SLC35D1: variants seen among roughly 807,000 people sequenced by gnomAD.
SLC35D1 encodes nucleotide sugar transporter SLC35D1.
In SLC35D1, 31 loss-of-function variants were observed where a neutral mutation model predicts 46.7. That is an observed-to-expected ratio of 0.66 (90% confidence interval 0.50 to 0.90). The LOEUF is 0.90. Ranked by LOEUF, SLC35D1 falls within the 40% of genes least tolerant of loss-of-function variation. The pLI is 0.00. For missense variants in SLC35D1, 397 were observed against 426.2 expected, an observed-to-expected ratio of 0.93 and a Z score of 0.60; for synonymous variants, 195 against 164.6, an observed-to-expected ratio of 1.18 and a Z score of -1.41.
intron 10 of SLC35D1, among the ~76,000 whole-genome samples, chr1:67,015,140 C>T (rs1194802630): frequency 2.2e-5 from 1 of 44,456 alleles, no homozygotes; most frequent in South Asian, 6.2e-4. Context: ...GGTTATAAAA[C>T]ACATAAAAAT....
At chr1:66,985,329 T>G in the SLC35D1 span, 1 of 985,528 alleles carries the variant, frequency 1.0e-6, no homozygotes, top group Non-Finnish European at 1.2e-6. Context: ...TAATACCAAT[T>G]TCTCTGAGTT....
Position 66,999,610 on chromosome 1 carries a change from C to T in SLC35D1, c.*4730G>A, listed in dbSNP as rs764189777. On this transcript the variant is annotated 3_prime_UTR_variant, in exon 12 of 12. Transcript: ENST00000235345. ...AGAAAACATTTGTGAAAAAAATAAT[C>T]TCTAAAAACATTTTTGTGAGACAAT... is the stretch of plus-strand genomic sequence containing the variant. The T allele has an allele frequency of 1.3e-5, 2 of 151,996 alleles. No homozygotes were observed. The highest frequency in any genetic ancestry group is 4.8e-5 in the African/African-American group (2 of 41,326). The allele number at this position is 151,996 out of a possible 1,614,324, so 9.4% of individuals were successfully genotyped here.
At chr1:67,013,312 A>G (rs1667614091) in intron 10 of SLC35D1, among the ~76,000 whole-genome samples, 1 of 151,494 alleles carries the variant, frequency 6.6e-6, no homozygotes, top group Non-Finnish European at 1.5e-5. Flanking sequence ...TTTGGGAAGC[A>G]GAGGTGAGCA....
At chr1:66,994,721 A>G (rs923545252), downstream of SLC35D1, among the ~76,000 whole-genome samples, 1 of 152,134 alleles carries the variant, frequency 6.6e-6, no homozygotes, top group Non-Finnish European at 1.5e-5. Flanking sequence ...GGATTATTAA[A>G]TTTTTAAATC....
chr1:66,976,659 A>T, the SLC35D1 span: 1 of 1,608,330 alleles, frequency 6.2e-7, no homozygotes, highest in South Asian at 1.1e-5. Context: ...TCTGAACGTT[A>T]TGATTTCTTT....
rs1182060356 is a variant in SLC35D1, at chr1:67,004,265, GTC to G, written c.*73_*74del. 2 of 1,210,216 alleles carry G rather than the reference GTC, an allele frequency of 1.7e-6. No homozygotes were observed. The highest frequency in any genetic ancestry group is 2.5e-6 in the Non-Finnish European group (2 of 814,444). The allele number at this position is 1,210,216 out of a possible 1,614,324, so 75.0% of individuals were successfully genotyped here. On this transcript the variant is annotated 3_prime_UTR_variant, in exon 12 of 12. Coordinates refer to ENST00000235345, the MANE Select transcript of SLC35D1 (RefSeq NM_015139.3). Reference sequence around the variant, plus strand: ...TCCTCCATAATCAAGACACCTCAGTGTCTCTGTAGGAACTGCCAGTGTTCTGA... The same window carrying G: ...TCCTCCATAATCAAGACACCTCAGTGTCTGTAGGAACTGCCAGTGTTCTGA...
Position 67,052,753 on chromosome 1 carries a change from T to C in SLC35D1, c.324+18A>G, listed in dbSNP as rs1231493785. 5.0e-6 allele frequency: 8 copies of C among 1,612,470 alleles called. No homozygotes were observed. Among genetic ancestry groups the C allele is most frequent in the Middle Eastern group, 1.7e-4 (1 of 6,058 alleles). ...TGACTTCATTTCACAAAATAAAGTATCGCTTTTCTTCTTTTACCTTTCGAG... is the reference window on the plus strand; with the variant it reads ...TGACTTCATTTCACAAAATAAAGTACCGCTTTTCTTCTTTTACCTTTCGAG... On this transcript the variant is annotated intron_variant, in intron 3 of 11. Coordinates refer to ENST00000235345, the MANE Select transcript of SLC35D1 (RefSeq NM_015139.3).
intron 8 of SLC35D1, among the ~76,000 whole-genome samples, chr1:67,028,740 G>A (rs1437603630): frequency 6.6e-6 from 1 of 151,976 alleles, no homozygotes; most frequent in Non-Finnish European, 1.5e-5. Context: ...CACTAATATT[G>A]TGTTCATTTG....
rs761001834 is a variant in SLC35D1, at chr1:67,021,598, A to G, written c.734T>C (p.Val245Ala). ...GGTGTCAGCCCAGCCTTCAAACTCCACAGCCTGCAACACACAAGAAAGCAT... is the reference window on the plus strand; with the variant it reads ...GGTGTCAGCCCAGCCTTCAAACTCCGCAGCCTGCAACACACAAGAAAGCAT... The part of the protein sequence containing the change: ...AYFTGDAQKA[V>A]EFEGWADTLF... Residue 245 changes from valine to alanine, a missense_variant, in exon 9 of 12, where the codon GTG (valine) becomes GCG (alanine). Transcript: ENST00000235345. 6.2e-7 allele frequency: 1 copy of G among 1,613,848 alleles called. No individual in the cohort carries two copies. Among genetic ancestry groups the G allele is most frequent in the East Asian group, 2.2e-5 (1 of 44,866 alleles).
the SLC35D1 span, among the ~76,000 whole-genome samples, chr1:66,977,131 T>C: frequency 2.6e-5 from 4 of 151,620 alleles, no homozygotes; most frequent in African/African-American, 7.3e-5. Context: ...TTTTTTGAGA[T>C]GTAGTCTCAA....
intron 8 of SLC35D1, among the ~76,000 whole-genome samples, chr1:67,041,600 A>C (rs1645181775): frequency 1.3e-5 from 2 of 152,224 alleles, no homozygotes; most frequent in Admixed American, 6.5e-5. Flanking sequence ...GTGAATTCTG[A>C]CAATATGTTA....
chr1:67,013,428 G>A (rs1667616487), intron 10 of SLC35D1, among the ~76,000 whole-genome samples: 1 of 151,696 alleles, frequency 6.6e-6, no homozygotes, highest in South Asian at 2.1e-4. Flanking sequence ...GGTCACAAGT[G>A]TCTGTAGTCC....
At chr1:67,049,931 G>T in intron 5 of SLC35D1, 81 bp from the exon 6 acceptor site, 1 of 941,452 alleles carries the variant, frequency 1.1e-6, no homozygotes, top group Non-Finnish European at 1.7e-6. Flanking sequence ...AATGGGATAT[G>T]CTTTCTCAAA....
At chr1:67,026,154 G>A (rs1570623690) in intron 8 of SLC35D1, among the ~76,000 whole-genome samples, 1 of 152,182 alleles carries the variant, frequency 6.6e-6, no homozygotes, top group East Asian at 1.9e-4. Flanking sequence ...AGATTCTTTG[G>A]TAGATGTCCT....
At chr1:66,984,767 A>G in the SLC35D1 span, 1 of 1,614,060 alleles carries the variant, frequency 6.2e-7, no homozygotes, top group South Asian at 1.1e-5. Context: ...AATGATTTTG[A>G]TGAAAAAAGT....
the SLC35D1 span, chr1:66,984,959 G>A: frequency 1.3e-6 from 2 of 1,499,140 alleles, no homozygotes; most frequent in South Asian, 1.4e-5. Flanking sequence ...AATTTTCAGG[G>A]TTGATGGGTT....
At chr1:66,979,683 T>G in the SLC35D1 span, among the ~76,000 whole-genome samples, 1 of 152,158 alleles carries the variant, frequency 6.6e-6, no homozygotes, top group African/African-American at 2.4e-5. Flanking sequence ...TAATAATAAT[T>G]ACTATCCTTT....
chr1:67,042,638 A>T (rs1414542867), intron 7 of SLC35D1, among the ~76,000 whole-genome samples: 1 of 152,226 alleles, frequency 6.6e-6, no homozygotes, highest in African/African-American at 2.4e-5. Flanking sequence ...GTTATTTTGA[A>T]CACATACACA....
chr1:67,022,258 A>G (rs1338188922), intron 8 of SLC35D1, among the ~76,000 whole-genome samples: 2 of 152,242 alleles, frequency 1.3e-5, no homozygotes, highest in African/African-American at 2.4e-5. Flanking sequence ...TTTTTGCAAT[A>G]GGAGTTTGAT....
Sources: allele counts gnomAD v4.1 joint callset (sites outside exome capture counted in the v4.1 genomes callset), GRCh38; gene constraint gnomAD v4.1.1; transcripts MANE v1.5; gene names NCBI Gene and HGNC (gene_info 2026-07-23, HGNC 2026-07-21).